Variants in SMAD2 observed in about 807,000 individuals in gnomAD.
SMAD2 encodes MAD homolog 2.
In SMAD2, 8 loss-of-function variants were observed where a neutral mutation model predicts 64.4. That is an observed-to-expected ratio of 0.12 (90% confidence interval 0.07 to 0.22). The LOEUF (loss-of-function observed/expected upper bound fraction) is 0.22, where lower values mean the gene tolerates loss of function less well. SMAD2 is among the 10% of genes least tolerant of loss of function. The probability of loss-of-function intolerance (pLI) is 1.00; values close to 1 mark genes in which losing one functional copy is unlikely to be tolerated. For missense variants in SMAD2, 289 were observed against 561.2 expected (o/e 0.51, Z 4.90); for synonymous variants, 203 against 195.8 (o/e 1.04, Z -0.31).
Position 47,838,651 on chromosome 18 carries a change from A to T in SMAD2, c.*3176T>A. 1 of 232,972 alleles carries T rather than the reference A, an allele frequency of 4.3e-6. No homozygotes were observed. Among genetic ancestry groups the T allele is most frequent in the African/African-American group, 2.2e-5 (1 of 45,452 alleles). The allele number at this position is 232,972 out of a possible 1,614,324, so 14.4% of individuals were successfully genotyped here. ...TCCAGTTATATTTTTCTAATCGTTG[A>T]CCAGTGGTTATAAAGACTTTCTGAG... On this transcript the variant is annotated 3_prime_UTR_variant, in exon 11 of 11. Coordinates refer to ENST00000262160, the MANE Select transcript of SMAD2 (RefSeq NM_005901.6).
intron 1 of SMAD2, among the ~76,000 whole-genome samples, chr18:47,908,342 T>C (rs1383139674): frequency 6.6e-6 from 1 of 152,192 alleles, no homozygotes; most frequent in Non-Finnish European, 1.5e-5. Flanking sequence ...AATTGACCCG[T>C]GGACAACATG....
At chr18:47,887,715 G>A (rs1055570255) in intron 2 of SMAD2, among the ~76,000 whole-genome samples, 1 of 152,164 alleles carries the variant, frequency 6.6e-6, no homozygotes, top group Admixed American at 6.5e-5. Flanking sequence ...TACCGATACA[G>A]GGGCAGCTCC....
intron 7 of SMAD2, 142 bp from the exon 8 acceptor site, chr18:47,848,829 G>GT: frequency 1.5e-6 from 1 of 656,612 alleles, no homozygotes. Context: ...CATAGTATCT[G>GT]TATCGGTTTC....
At chr18:47,886,570 C>CATGT (rs1555655791) in intron 2 of SMAD2, among the ~76,000 whole-genome samples, 1 of 146,704 alleles carries the variant, frequency 6.8e-6, no homozygotes, top group African/African-American at 2.6e-5. Context: ...TATATCTATC[C>CATGT]ATCTATCTAT....
chr18:47,818,975 G>A lies in SMAD2; in HGVS notation c.*22852C>T, dbSNP rs1398169680. The A allele has an allele frequency of 6.6e-6, 1 of 152,198 alleles. No homozygotes were observed. The highest frequency in any genetic ancestry group is 1.5e-5 in the Non-Finnish European group (1 of 68,044). The allele number at this position is 152,198 out of a possible 1,614,324, so 9.4% of individuals were successfully genotyped here. On this transcript the variant is annotated 3_prime_UTR_variant, in exon 11 of 11. Coordinates refer to ENST00000262160, the MANE Select transcript of SMAD2 (RefSeq NM_005901.6). ...TAAAATGAAAGCTATGTTTGTGTAT[G>A]TGTATGTTTAGGTGTGTTTACACAT...
At chr18:47,842,982 T>A (rs1387461509) in intron 10 of SMAD2, among the ~76,000 whole-genome samples, 1 of 152,202 alleles carries the variant, frequency 6.6e-6, no homozygotes, top group Non-Finnish European at 1.5e-5. Context: ...GAAAAGCCCA[T>A]TATCAACTCT....
chr18:47,843,108 C>G (rs1378848886), intron 10 of SMAD2, among the ~76,000 whole-genome samples: 2 of 152,218 alleles, frequency 1.3e-5, no homozygotes, highest in Non-Finnish European at 2.9e-5. Flanking sequence ...TCAGTGTGCT[C>G]TAGACAACTT....
chr18:47,873,222 TAGTG>T (rs899174220), intron 2 of SMAD2, among the ~76,000 whole-genome samples: 4 of 152,050 alleles, frequency 2.6e-5, no homozygotes, highest in Admixed American at 2.6e-4. Context: ...CCCCCTTAGA[TAGTG>T]AGAGTTGTAT....
intron 1 of SMAD2, among the ~76,000 whole-genome samples, chr18:47,905,822 T>C (rs1479189638): frequency 5.9e-5 from 9 of 151,980 alleles, no homozygotes; most frequent in Non-Finnish European, 1.3e-4. Flanking sequence ...ACAAGAGAAA[T>C]ACAGTTGAGC....
intron 6 of SMAD2, among the ~76,000 whole-genome samples, chr18:47,856,854 A>AT (rs758202544): frequency 0.37 from 46,093 of 123,350 alleles, 11,117 homozygotes; most frequent in Non-Finnish European, 0.51. Context: ...AACTATGCTA[A>AT]TTTTTTTTTT....
chr18:47,895,339 C>T (rs1257915637), intron 2 of SMAD2: 1 of 152,288 alleles, frequency 6.6e-6, no homozygotes, highest in African/African-American at 2.4e-5. Context: ...CTTCTCCAAG[C>T]TCCACGCAAG....
intron 1 of SMAD2, among the ~76,000 whole-genome samples, chr18:47,929,588 T>C (rs1286531222): frequency 6.6e-6 from 1 of 152,236 alleles, no homozygotes; most frequent in Non-Finnish European, 1.5e-5. Context: ...TACCTGGAAA[T>C]TTCTTTTTTA....
In SMAD2 at chr18:47,926,118, C is replaced by A. The variant is rs145852410; in HGVS notation, c.-54+4243G>T. Among the ~76,000 whole-genome samples, 962 of 152,298 alleles carry A rather than the reference C, an allele frequency of 6.3e-3. 6 individuals carry two copies. The highest frequency in any genetic ancestry group is 9.9e-3 in the Non-Finnish European group (671 of 68,024). Reference sequence around the variant, plus strand: ...CAGCCTTTCTTTACTGCTGGCTACCCTTTCAGCTTGGAATCTGAATGGCTG... The same window carrying A: ...CAGCCTTTCTTTACTGCTGGCTACCATTTCAGCTTGGAATCTGAATGGCTG... On this transcript the variant is annotated intron_variant, in intron 1 of 10. Transcript: ENST00000262160.
intron 1 of SMAD2, among the ~76,000 whole-genome samples, chr18:47,924,610 C>T (rs1336874919): frequency 6.6e-6 from 1 of 151,960 alleles, no homozygotes; most frequent in East Asian, 1.9e-4. Flanking sequence ...TACAGGTACC[C>T]GCCACCACAC....
intron 2 of SMAD2, among the ~76,000 whole-genome samples, chr18:47,894,831 T>A (rs748442665): frequency 6.6e-6 from 1 of 152,218 alleles, no homozygotes; most frequent in African/African-American, 2.4e-5. Context: ...ATATGATAAA[T>A]GGTTACCTAA....
At chr18:47,847,298 G>C (rs771076906) in intron 8 of SMAD2, among the ~76,000 whole-genome samples, 21 of 152,078 alleles carry the variant, frequency 1.4e-4, no homozygotes, top group East Asian at 7.7e-4. Context: ...AGATCTTCTA[G>C]TCACTATCAT....
Position 47,816,518 on chromosome 18 carries a change from C to T in SMAD2, c.*25309G>A, listed in dbSNP as rs977461138. 1.3e-5 allele frequency: 2 copies of T among 152,202 alleles called. No homozygotes were observed. Among genetic ancestry groups the T allele is most frequent in the Non-Finnish European group, 2.9e-5 (2 of 68,042 alleles). The allele number at this position is 152,202 out of a possible 1,614,324, so 9.4% of individuals were successfully genotyped here. A position where few individuals can be genotyped will look rare whatever the true frequency, so the allele number is the denominator to read the frequency against. ...ACACGTCCAATATATTTTCTATGTA[C>T]TGTGAAAGCTTTTGGGAAAATAAAG... On this transcript the variant is annotated 3_prime_UTR_variant, in exon 11 of 11. Coordinates refer to ENST00000262160, the MANE Select transcript of SMAD2 (RefSeq NM_005901.6).
chr18:47,862,674 A>G (rs1344951001), intron 6 of SMAD2, among the ~76,000 whole-genome samples: 1 of 152,216 alleles, frequency 6.6e-6, no homozygotes, highest in African/African-American at 2.4e-5. Flanking sequence ...TTAGCACCTC[A>G]TTTTATCTTC....
intron 2 of SMAD2, among the ~76,000 whole-genome samples, chr18:47,884,347 C>T (rs1598832762): frequency 6.6e-6 from 1 of 152,238 alleles, no homozygotes; most frequent in East Asian, 1.9e-4. Flanking sequence ...GCACTGTTGT[C>T]CCCATTTGAC....
Sources: allele counts gnomAD v4.1 joint callset (sites outside exome capture counted in the v4.1 genomes callset), GRCh38; gene constraint gnomAD v4.1.1; transcripts MANE v1.5; gene names NCBI Gene and HGNC (gene_info 2026-07-23, HGNC 2026-07-21).